HTR2A: variants seen among roughly 807,000 people sequenced by gnomAD.
HTR2A encodes the protein 5-HT2 receptor.
A neutral mutation model predicts 31.0 loss-of-function variants in HTR2A; 14 were observed. The ratio of observed to expected loss-of-function variants is 0.45; its 90% CI spans 0.30 to 0.71. The LOEUF (loss-of-function observed/expected upper bound fraction) is 0.71. Ranked by LOEUF, HTR2A falls within the 30% of genes least tolerant of loss-of-function variation. The pLI is 0.09. For synonymous variants in HTR2A, 209 were observed against 225.2 expected, an observed-to-expected ratio of 0.93 and a Z score of 0.64; for missense variants, 442 against 573.3, an observed-to-expected ratio of 0.77 and a Z score of 2.34.
chr13:46,866,665 T>C (rs9567743), intron 3 of HTR2A, among the ~76,000 whole-genome samples: 28,362 of 152,200 alleles, frequency 0.19, 3,068 homozygotes, highest in South Asian at 0.3. Flanking sequence ...TCTACCCTCA[T>C]GGAATTTACA....
rs1304205555 is a variant in HTR2A, at chr13:46,834,618, C to T, written c.*219G>A. 3.9e-6 allele frequency: 2 copies of T among 512,848 alleles called. No individual in the cohort carries two copies. Among genetic ancestry groups the T allele is most frequent in the African/African-American group, 3.8e-5 (2 of 52,536 alleles). The allele number at this position is 512,848 out of a possible 1,614,324, so 31.8% of individuals were successfully genotyped here. ...CATTTACAATGTTATAAATAAGTATCAGAAAGCTCACAGCTGAAATGCTGT... is the reference window on the plus strand; with the variant it reads ...CATTTACAATGTTATAAATAAGTATTAGAAAGCTCACAGCTGAAATGCTGT... On this transcript the variant is annotated 3_prime_UTR_variant, in exon 4 of 4. Coordinates refer to ENST00000542664, the MANE Select transcript of HTR2A (RefSeq NM_000621.5).
intron 3 of HTR2A, chr13:46,852,307 G>A (rs1384808050): frequency 6.6e-6 from 1 of 152,308 alleles, no homozygotes; most frequent in African/African-American, 2.4e-5. Flanking sequence ...GCAGCACTAA[G>A]GAGCTGGCAC....
At chr13:46,849,708 G>T (rs1950667791) in intron 3 of HTR2A, among the ~76,000 whole-genome samples, 1 of 152,168 alleles carries the variant, frequency 6.6e-6, no homozygotes, top group Non-Finnish European at 1.5e-5. Context: ...CCTCTCCCCA[G>T]TCAGCCTTCC....
In HTR2A at chr13:46,843,247, T is replaced by G. The variant is rs1385533583; in HGVS notation, c.614-7608A>C. ...GTTCTATTTTATTATTAATGATTGT[T>G]AGTCTCTTACTGTGTCTAATCTATA... On this transcript the variant is annotated intron_variant, in intron 3 of 3. Coordinates refer to ENST00000542664, the MANE Select transcript of HTR2A (RefSeq NM_000621.5). Among the ~76,000 whole-genome samples, 3 of 152,318 alleles carry G rather than the reference T, an allele frequency of 2.0e-5. No individual in the cohort carries two copies. In the South Asian group the frequency reaches 6.2e-4, roughly 32 times the overall value.
At chr13:46,883,154 C>A (rs560619302) in intron 3 of HTR2A, among the ~76,000 whole-genome samples, 109 of 152,246 alleles carry the variant, frequency 7.2e-4, no homozygotes, top group African/African-American at 2.5e-3. Context: ...CAACACAAAA[C>A]TACAATGAGA....
intron 3 of HTR2A, among the ~76,000 whole-genome samples, chr13:46,869,700 C>CAT (rs200453440): frequency 8.6e-5 from 13 of 151,778 alleles, no homozygotes; most frequent in East Asian, 1.9e-4. Flanking sequence ...AAATGAGGTA[C>CAT]ATATATATAT....
chr13:46,846,594 A>G (rs566320493), intron 3 of HTR2A, among the ~76,000 whole-genome samples: 1 of 152,332 alleles, frequency 6.6e-6, no homozygotes, highest in South Asian at 2.1e-4. Flanking sequence ...TGGTCTCCTC[A>G]GTGAAAATTG....
chr13:46,861,197 CAG>C (rs1950775872), intron 3 of HTR2A, among the ~76,000 whole-genome samples: 1 of 152,160 alleles, frequency 6.6e-6, no homozygotes, highest in South Asian at 2.1e-4. Flanking sequence ...GAGAAAAGCT[CAG>C]AGGCAAGAAA....
At chr13:46,864,588 C>T (rs1189794049) in intron 3 of HTR2A, among the ~76,000 whole-genome samples, 1 of 152,224 alleles carries the variant, frequency 6.6e-6, no homozygotes, top group Non-Finnish European at 1.5e-5. Flanking sequence ...GGAGCCTAAA[C>T]TTCCGAGGAT....
chr13:46,848,897 A>G (rs907208056), intron 3 of HTR2A, among the ~76,000 whole-genome samples: 2 of 152,226 alleles, frequency 1.3e-5, no homozygotes, highest in African/African-American at 4.8e-5. Flanking sequence ...CTGCTATCTG[A>G]TATTACTTAT....
chr13:46,845,014 T>C (rs1325606575), intron 3 of HTR2A, among the ~76,000 whole-genome samples: 1 of 152,108 alleles, frequency 6.6e-6, no homozygotes, highest in Admixed American at 6.6e-5. Flanking sequence ...CTAAGATCTT[T>C]TTTTTTTAAG....
At chr13:46,863,630 G>GAAAAACAAAAA (rs1950796841) in intron 3 of HTR2A, among the ~76,000 whole-genome samples, 1 of 59,254 alleles carries the variant, frequency 1.7e-5, no homozygotes, top group East Asian at 5.7e-4. Context: ...CCCTCAAAAT[G>GAAAAACAAAAA]AAAAAAAAAA....
rs139247082 is a variant in HTR2A, at chr13:46,844,164, G to A, written c.614-8525C>T. 2.0e-5 allele frequency among the ~76,000 whole-genome samples: 3 copies of A among 152,226 alleles called. No individual in the cohort carries two copies. The East Asian group carries it at 5.8e-4, about 29-fold the overall frequency. On this transcript the variant is annotated intron_variant, in intron 3 of 3. Transcript: ENST00000542664. ...TGAGATGACAATCTCATTAATAGCA[G>A]GGATATCTTTTTCTTTGTGTATTGT...
chr13:46,861,458 C>G (rs1355796318), intron 3 of HTR2A, among the ~76,000 whole-genome samples: 2 of 152,158 alleles, frequency 1.3e-5, no homozygotes, highest in Non-Finnish European at 2.9e-5. Context: ...GTGGAACCAG[C>G]TGTGGGCAAA....
chr13:46,883,241 G>T (rs931531257), intron 3 of HTR2A, among the ~76,000 whole-genome samples: 15 of 131,222 alleles, frequency 1.1e-4, no homozygotes, highest in African/African-American at 3.9e-4. Flanking sequence ...TGAGCTGCAT[G>T]AAGGCAAGAG....
At chr13:46,877,209 A>T (rs1950922281) in intron 3 of HTR2A, among the ~76,000 whole-genome samples, 1 of 152,164 alleles carries the variant, frequency 6.6e-6, no homozygotes, top group Non-Finnish European at 1.5e-5. Flanking sequence ...CTGCCCTGAG[A>T]TGATATGTGT....
intron 3 of HTR2A, among the ~76,000 whole-genome samples, chr13:46,858,075 G>C (rs1392466240): frequency 6.6e-6 from 1 of 152,102 alleles, no homozygotes; most frequent in Non-Finnish European, 1.5e-5. Flanking sequence ...AGCATCAGCA[G>C]GATTTAGTGA....
At chr13:46,888,362 G>A (rs989617226) in intron 3 of HTR2A, among the ~76,000 whole-genome samples, 7 of 152,108 alleles carry the variant, frequency 4.6e-5, no homozygotes, top group South Asian at 2.1e-4. Flanking sequence ...GCAGCAGGGC[G>A]TGGCACAAGG....
chr13:46,844,540 C>G (rs1303765718), intron 3 of HTR2A, among the ~76,000 whole-genome samples: 2 of 152,162 alleles, frequency 1.3e-5, no homozygotes, highest in Non-Finnish European at 2.9e-5. Flanking sequence ...GCTAAAATCA[C>G]AAGGGAAAAG....
Sources: allele counts gnomAD v4.1 joint callset (sites outside exome capture counted in the v4.1 genomes callset), GRCh38; gene constraint gnomAD v4.1.1; transcripts MANE v1.5; gene names NCBI Gene and HGNC (gene_info 2026-07-23, HGNC 2026-07-21).